GPRASP3: variants seen among roughly 807,000 people sequenced by gnomAD.
The protein encoded by GPRASP3 is G protein-coupled receptor associated sorting protein family member 3, also known as G protein-coupled receptor associated sorting protein 3.
chrX:102,725,148 A>G, the GPRASP3 span, among the ~76,000 whole-genome samples: 1 of 111,582 alleles, frequency 9.0e-6, no homozygotes, highest in African/African-American at 3.3e-5. Flanking sequence ...TTCTATCTCC[A>G]TCTCTCATAA....
At chrX:102,736,922 C>G in the GPRASP3 span, among the ~76,000 whole-genome samples, 1 of 112,093 alleles carries the variant, frequency 8.9e-6, no homozygotes, top group Non-Finnish European at 1.9e-5. Flanking sequence ...TAAGAGGGAT[C>G]TATCCACTTT....
the GPRASP3 span, among the ~76,000 whole-genome samples, chrX:102,726,233 T>C: frequency 8.9e-6 from 1 of 112,092 alleles, no homozygotes; most frequent in Admixed American, 9.5e-5. Context: ...CTGAGTTGGT[T>C]AGCAGAGGAG....
chrX:102,747,706 A>G, the GPRASP3 span: 1 of 112,149 alleles, frequency 8.9e-6, no homozygotes, highest in Admixed American at 9.4e-5. Context: ...GGTGGGAGAC[A>G]TTTAACATAG....
the GPRASP3 span, among the ~76,000 whole-genome samples, chrX:102,731,301 T>A: frequency 8.9e-6 from 1 of 111,836 alleles, no homozygotes; most frequent in South Asian, 3.8e-4. Context: ...CCGAGGCAAA[T>A]TTCAGAGCAG....
chrX:102,749,743 G>A, the GPRASP3 span: 3 of 1,211,606 alleles, frequency 2.5e-6, no homozygotes, highest in Non-Finnish European at 2.2e-6. Flanking sequence ...TATTGTTCTG[G>A]CCTCCGCTGA....
the GPRASP3 span, among the ~76,000 whole-genome samples, chrX:102,739,421 A>G: frequency 9.0e-6 from 1 of 111,655 alleles, no homozygotes; most frequent in Non-Finnish European, 1.9e-5. Context: ...AATGGCGGCT[A>G]TAGGAGGAAG....
At chrX:102,733,460 CAA>C in the GPRASP3 span, among the ~76,000 whole-genome samples, 8 of 45,783 alleles carry the variant, frequency 1.7e-4, no homozygotes, top group Non-Finnish European at 1.3e-4. Context: ...AACTCCATCT[CAA>C]AAAAAAAAAA....
the GPRASP3 span, among the ~76,000 whole-genome samples, chrX:102,727,521 T>C: frequency 8.9e-6 from 1 of 112,077 alleles, no homozygotes; most frequent in African/African-American, 3.2e-5. Context: ...AGCCTCTCTG[T>C]GACATGTGAC....
chrX:102,748,792 C>T, the GPRASP3 span: 9 of 375,300 alleles, frequency 2.4e-5, no homozygotes, highest in East Asian at 8.4e-5. Context: ...TCTCCCCCAG[C>T]CCGAGCGTGC....
At chrX:102,723,383 A>G in the GPRASP3 span, among the ~76,000 whole-genome samples, 1 of 111,423 alleles carries the variant, frequency 9.0e-6, no homozygotes, top group African/African-American at 3.3e-5. Context: ...GTGGGGCAAA[A>G]TCATAGGTAG....
At chrX:102,724,718 G>GGTGTGTGTGT in the GPRASP3 span, among the ~76,000 whole-genome samples, 566 of 98,814 alleles carry the variant, frequency 5.7e-3, 1 homozygote, top group African/African-American at 0.014. Context: ...CAGGGTGACT[G>GGTGTGTGTGT]GTGTGTGTGT....
the GPRASP3 span, among the ~76,000 whole-genome samples, chrX:102,727,700 C>A: frequency 8.9e-6 from 1 of 112,427 alleles, no homozygotes; most frequent in Non-Finnish European, 1.9e-5. Context: ...CCATGTAGTT[C>A]TCATCTATTC....
the GPRASP3 span, among the ~76,000 whole-genome samples, chrX:102,725,187 A>C: frequency 8.9e-6 from 1 of 112,123 alleles, no homozygotes; most frequent in African/African-American, 3.2e-5. Context: ...CCAGGACTAG[A>C]ATGAAATGAA....
At chrX:102,742,912 T>G in the GPRASP3 span, among the ~76,000 whole-genome samples, 1 of 111,808 alleles carries the variant, frequency 8.9e-6, no homozygotes, top group Non-Finnish European at 1.9e-5. Context: ...TTTGTAAATT[T>G]TAGGGAGAGA....
chrX:102,721,672 C>G, the GPRASP3 span, among the ~76,000 whole-genome samples: 3 of 111,383 alleles, frequency 2.7e-5, no homozygotes, highest in South Asian at 1.2e-3. Flanking sequence ...TTGAGGGACA[C>G]AAAGTGGGTT....
chrX:102,748,798 C>T, the GPRASP3 span: 9 of 385,442 alleles, frequency 2.3e-5, no homozygotes, highest in African/African-American at 1.8e-4. Context: ...CCAGCCCGAG[C>T]GTGCCTCTGC....
At chrX:102,745,616 G>A in the GPRASP3 span, among the ~76,000 whole-genome samples, 1 of 111,138 alleles carries the variant, frequency 9.0e-6, no homozygotes, top group Non-Finnish European at 1.9e-5. Context: ...TGGGGAGAGG[G>A]AAGGGGCAGA....
chrX:102,723,691 G>C, the GPRASP3 span, among the ~76,000 whole-genome samples: 1 of 111,520 alleles, frequency 9.0e-6, no homozygotes, highest in South Asian at 3.8e-4. Context: ...TGCTAATGAA[G>C]TGACTTATGG....
At chrX:102,750,172 T>G in the GPRASP3 span, 1 of 1,206,636 alleles carries the variant, frequency 8.3e-7, no homozygotes, top group Non-Finnish European at 1.1e-6. Context: ...GAATCCTCCT[T>G]CTGGGGATGA....
Sources: allele counts gnomAD v4.1 joint callset (sites outside exome capture counted in the v4.1 genomes callset), GRCh38; gene constraint gnomAD v4.1.1; transcripts MANE v1.5; gene names NCBI Gene and HGNC (gene_info 2026-07-23, HGNC 2026-07-21).